KCNT2: variants seen among roughly 807,000 people sequenced by gnomAD.
The protein encoded by KCNT2 is potassium sodium-activated channel subfamily T member 2.
In KCNT2, 67 loss-of-function variants were observed where a neutral mutation model predicts 153.8. That is an observed-to-expected ratio of 0.44 (90% CI 0.36 to 0.53). KCNT2 has a LOEUF of 0.53. KCNT2 is among the 20% of genes least tolerant of loss of function. The pLI is 0.00. For synonymous variants in KCNT2, 500 were observed against 458.8 expected (o/e 1.09, Z -1.15); for missense variants, 975 against 1,354.8 (o/e 0.72, Z 4.40).
In KCNT2 at chr1:196,285,700, C is replaced by T; in HGVS notation, c.2654G>A (p.Gly885Glu). The change falls in exon 23 of 28, where the codon GGG becomes GAG. Residue 885 changes from glycine to glutamate, a missense_variant. By Grantham distance (98) the Gly-to-Glu change is moderately conservative (BLOSUM62 -2). This residue lies in a region of KCNT2 where 66 missense variants were observed against 147.9 expected (regional missense o/e 0.45). Transcript: ENST00000294725. ...CAACATACTGATGCTAAACACCCTC[C>T]CAGCAGCAAAAGGCAGTCGAAACAT... ...AFMFRLPFAA[G>E]RVFSISMLDT... 6.2e-7 allele frequency: 1 copy of T among 1,613,448 alleles called. No individual in the cohort carries two copies. Among genetic ancestry groups the T allele is most frequent in the Non-Finnish European group, 8.5e-7 (1 of 1,179,460 alleles).
intron 14 of KCNT2, among the ~76,000 whole-genome samples, chr1:196,362,064 A>G (rs1488527236): frequency 6.6e-6 from 1 of 152,080 alleles, no homozygotes; most frequent in African/African-American, 2.4e-5. Context: ...TTTGAGTGTG[A>G]AACTTCCAAG....
intron 26 of KCNT2, among the ~76,000 whole-genome samples, chr1:196,251,895 C>T (rs1306196101): frequency 6.6e-6 from 1 of 151,778 alleles, no homozygotes; most frequent in African/African-American, 2.4e-5. Flanking sequence ...TATGTGCTCA[C>T]AAAAATTAAA....
At chr1:196,444,781 G>T (rs1675545729) in intron 8 of KCNT2, among the ~76,000 whole-genome samples, 2 of 151,276 alleles carry the variant, frequency 1.3e-5, no homozygotes, top group African/African-American at 4.8e-5. Flanking sequence ...GAAATCATTT[G>T]GGAAGTGTTT....
chr1:196,385,434 T>C (rs1277278283), intron 13 of KCNT2, among the ~76,000 whole-genome samples: 1 of 152,114 alleles, frequency 6.6e-6, no homozygotes, highest in African/African-American at 2.4e-5. Context: ...CCACTGTGTA[T>C]GCAGTATATT....
intron 19 of KCNT2, among the ~76,000 whole-genome samples, chr1:196,325,800 A>T (rs1663789922): frequency 6.6e-6 from 1 of 152,116 alleles, no homozygotes; most frequent in African/African-American, 2.4e-5. Flanking sequence ...TATAATGATG[A>T]TTCTAAGAAA....
chr1:196,246,899 A>G (rs1328723123), intron 26 of KCNT2, among the ~76,000 whole-genome samples: 1 of 152,106 alleles, frequency 6.6e-6, no homozygotes, highest in Non-Finnish European at 1.5e-5. Flanking sequence ...GCAAAAAACA[A>G]ATAAATAAAT....
At chr1:196,325,011 C>A (rs190631505) in intron 19 of KCNT2, among the ~76,000 whole-genome samples, 2 of 152,122 alleles carry the variant, frequency 1.3e-5, no homozygotes, top group East Asian at 3.9e-4. Context: ...CTCCTGTCAC[C>A]TGTGTGATGG....
At chr1:196,403,688 A>G (rs1265174670) in intron 12 of KCNT2, among the ~76,000 whole-genome samples, 1 of 151,414 alleles carries the variant, frequency 6.6e-6, no homozygotes, top group Non-Finnish European at 1.5e-5. Flanking sequence ...CATTCTCTAT[A>G]TTTTTTGTTC....
intron 25 of KCNT2, among the ~76,000 whole-genome samples, chr1:196,267,230 T>C (rs1407384532): frequency 6.6e-6 from 1 of 152,186 alleles, no homozygotes; most frequent in Non-Finnish European, 1.5e-5. Context: ...TCATTCAGGA[T>C]GAATAAACAT....
intron 1 of KCNT2, among the ~76,000 whole-genome samples, chr1:196,496,650 T>C (rs1350283507): frequency 6.6e-6 from 1 of 152,104 alleles, no homozygotes; most frequent in Non-Finnish European, 1.5e-5. Flanking sequence ...CAAGAAAGAT[T>C]AGTGAAAACA....
intron 13 of KCNT2, among the ~76,000 whole-genome samples, chr1:196,375,651 G>T (rs907300921): frequency 1.3e-5 from 2 of 150,674 alleles, no homozygotes; most frequent in Admixed American, 6.7e-5. Flanking sequence ...ATTAGAATTA[G>T]AATATTATAC....
chr1:196,272,432 C>T (rs747512549), intron 25 of KCNT2, among the ~76,000 whole-genome samples: 4 of 151,824 alleles, frequency 2.6e-5, no homozygotes, highest in Non-Finnish European at 5.9e-5. Context: ...CTCTGAAAAA[C>T]CTTTTTTTTG....
At chr1:196,593,221 A>G (rs1426947910) in intron 1 of KCNT2, among the ~76,000 whole-genome samples, 4 of 149,560 alleles carry the variant, frequency 2.7e-5, no homozygotes, top group Non-Finnish European at 5.9e-5. Context: ...AATATTCTCT[A>G]ATTCCATCCA....
At chr1:196,417,826 C>T in intron 12 of KCNT2, among the ~76,000 whole-genome samples, 1 of 152,014 alleles carries the variant, frequency 6.6e-6, no homozygotes, top group East Asian at 1.9e-4. Flanking sequence ...TGATCTTAGT[C>T]GACATCATCA....
At position 196,327,580 on chromosome 1, in the gene KCNT2, T is replaced by C. The variant is rs567068090; in HGVS notation, c.2104-691A>G. ...TGTTTTGATGTTCTGCTATTTTACC[T>C]TTATATGTCTTTATGTTCATTTCTT... On this transcript the variant is annotated intron_variant, in intron 18 of 27. Transcript: ENST00000294725. 5.9e-5 allele frequency among the ~76,000 whole-genome samples: 9 copies of C among 152,170 alleles called. No individual in the cohort carries two copies. In the East Asian group the frequency reaches 1.7e-3, roughly 29 times the overall value.
chr1:196,283,467 GAAAT>G (rs919266882), intron 23 of KCNT2, among the ~76,000 whole-genome samples: 2 of 151,800 alleles, frequency 1.3e-5, no homozygotes, highest in African/African-American at 2.4e-5. Context: ...TAAATAAAAT[GAAAT>G]AAATAAATAA....
At chr1:196,430,404 C>G (rs956203514) in intron 8 of KCNT2, among the ~76,000 whole-genome samples, 4 of 147,166 alleles carry the variant, frequency 2.7e-5, no homozygotes, top group Non-Finnish European at 5.9e-5. Context: ...CTCTCTCTCT[C>G]TCTTTCTCTC....
At chr1:196,385,228 C>A (rs1669864515) in intron 13 of KCNT2, among the ~76,000 whole-genome samples, 1 of 152,174 alleles carries the variant, frequency 6.6e-6, no homozygotes, top group Non-Finnish European at 1.5e-5. Flanking sequence ...ATATTCACAT[C>A]AGCAGATTCC....
intron 13 of KCNT2, among the ~76,000 whole-genome samples, chr1:196,379,922 A>G (rs906507155): frequency 2.0e-5 from 3 of 152,218 alleles, no homozygotes; most frequent in Non-Finnish European, 4.4e-5. Flanking sequence ...TTAGAATTCT[A>G]AACAAGTATT....
Sources: gnomAD v4.1 joint callset for allele counts (sites outside exome capture counted in the v4.1 genomes callset) on GRCh38, gnomAD v4.1.1 for gene constraint, gnomAD v4.1.1 regional missense constraint, MANE v1.5 for transcripts, NCBI Gene and HGNC (gene_info 2026-07-23, HGNC 2026-07-21) for gene names.